Variants in TEX2 observed in about 807,000 individuals in gnomAD.
TEX2 encodes the protein testis expressed 2, also known as testis-expressed protein 2.
Under a neutral mutation model 106.9 loss-of-function variants are expected in TEX2, and 53 were observed. The ratio of observed to expected loss-of-function variants is 0.50; its 90% CI spans 0.40 to 0.62. The LOEUF (loss-of-function observed/expected upper bound fraction) is 0.62, where lower values mean the gene tolerates loss of function less well. TEX2 is among the 20% of genes least tolerant of loss of function. TEX2 has a pLI of 0.00. For synonymous variants in TEX2, 523 were observed against 534.8 expected (o/e 0.98, Z 0.30); for missense variants, 1,207 against 1,379.0 (o/e 0.88, Z 1.98).
chr17:64,188,329 T>G lies in TEX2; in HGVS notation c.2263A>C (p.Ile755Leu). The change falls in exon 5 of 12, where the codon ATC becomes CTC. Residue 755 changes from isoleucine to leucine, a missense_variant. By Grantham distance (5) the Ile-to-Leu change is conservative (BLOSUM62 2). Transcript: ENST00000584379. ...TCCTTCTGCTTTGGCTGTGACATGA[T>G]CTCCTCCACACTGCCTTTGCTGCTG... Reference protein sequence around the residue: ...RSSSKGSVEEIMSQPKQKELA... With the variant: ...RSSSKGSVEELMSQPKQKELA... The G allele has an allele frequency of 6.2e-7, 1 of 1,614,182 alleles. No individual in the cohort carries two copies.
chr17:64,241,844 A>G (rs1461658759), intron 1 of TEX2, among the ~76,000 whole-genome samples: 1 of 151,950 alleles, frequency 6.6e-6, no homozygotes, highest in Non-Finnish European at 1.5e-5. Context: ...TGTTGCCCAA[A>G]CTGGTCTCAA....
chr17:64,191,519 T>C (rs553164942), intron 4 of TEX2, among the ~76,000 whole-genome samples: 15 of 152,226 alleles, frequency 9.9e-5, no homozygotes, highest in Non-Finnish European at 1.0e-4. Context: ...TAGTCACATT[T>C]AAAAATGTAA....
In TEX2 at chr17:64,188,211, C is replaced by A. The variant is rs1162450982; in HGVS notation, c.2381G>T (p.Ser794Ile). 2.5e-6 allele frequency: 4 copies of A among 1,612,456 alleles called. No individual in the cohort carries two copies. Among genetic ancestry groups the A allele is most frequent in the Non-Finnish European group, 3.4e-6 (4 of 1,180,044 alleles). ...VPQESRSPQR[S>I]PLQSAESSPT... is the part of the protein sequence containing the mutation. Reference sequence around the variant, plus strand: ...GCTGCTCTCCGCACTCTGCAGGGGGCTCCTCTGGGGGCTTCGGCTTTCCTG... The same window carrying A: ...GCTGCTCTCCGCACTCTGCAGGGGGATCCTCTGGGGGCTTCGGCTTTCCTG... Residue 794 changes from serine (S) to isoleucine (I), a missense_variant, in exon 5 of 12, where the codon AGC becomes ATC. Physicochemically the swap from Ser to Ile is moderately radical, Grantham distance 142. Coordinates refer to ENST00000584379, the MANE Select transcript of TEX2 (RefSeq NM_001288732.2).
At chr17:64,231,519 G>A (rs903073286) in intron 1 of TEX2, among the ~76,000 whole-genome samples, 1 of 152,216 alleles carries the variant, frequency 6.6e-6, no homozygotes, top group South Asian at 2.1e-4. Flanking sequence ...GGACAGGACC[G>A]TCTCTGGGGT....
intron 1 of TEX2, among the ~76,000 whole-genome samples, chr17:64,220,069 A>G (rs79290759): frequency 0.013 from 1,925 of 152,352 alleles, 37 homozygotes; most frequent in African/African-American, 0.044. Flanking sequence ...AGCAAGGAGC[A>G]TGACCCAAGG....
chr17:64,196,847 G>A (rs1331866874), intron 2 of TEX2, among the ~76,000 whole-genome samples: 3 of 151,944 alleles, frequency 2.0e-5, no homozygotes, highest in African/African-American at 7.3e-5. Context: ...GCTGAAATTG[G>A]GCTGTATCAG....
intron 7 of TEX2, among the ~76,000 whole-genome samples, chr17:64,161,241 T>G (rs2143660739): frequency 6.6e-6 from 1 of 152,254 alleles, no homozygotes; most frequent in East Asian, 1.9e-4. Context: ...CTCCTTGTAT[T>G]TAGTAAGAAG....
rs191890499 is a variant in TEX2 at position 64,148,629 on chromosome 17, T to G, written c.*340A>C. ...GCTTTGGAGGAGTAGAGGAGGCAAG[T>G]TGTTCAGCTTTGCTCTTACTGTGCT... is the stretch of plus-strand genomic sequence containing the variant. On this transcript the variant is annotated 3_prime_UTR_variant, in exon 12 of 12. Transcript: ENST00000584379. The G allele has an allele frequency of 9.1e-6, 2 of 218,764 alleles. No homozygotes were observed. Among genetic ancestry groups the G allele is most frequent in the Admixed American group, 5.5e-5 (1 of 18,058 alleles). The allele number at this position is 218,764 out of a possible 1,614,324, so 13.6% of individuals were successfully genotyped here. A position where few individuals can be genotyped will look rare whatever the true frequency, so the allele number is the denominator to read the frequency against.
chr17:64,211,186 C>T (rs1246877654), intron 2 of TEX2, among the ~76,000 whole-genome samples: 3 of 152,170 alleles, frequency 2.0e-5, no homozygotes, highest in African/African-American at 7.2e-5. Context: ...GTCTTGAACT[C>T]CTGACCTCAA....
At position 64,188,381 on chromosome 17, in the gene TEX2, C is replaced by T. The variant is rs747716074; in HGVS notation, c.2211G>A (p.Pro737=). Residue 737 remains proline (P), a synonymous_variant, in exon 5 of 12, where the codon CCG becomes CCA. Coordinates refer to ENST00000584379, the MANE Select transcript of TEX2 (RefSeq NM_001288732.2). ...LLPAHSRHNS[P]SGHLTHSRSS... ...TGCGGCTGTGGGTCAGGTGCCCGGA[C>T]GGACTGTTGTGTCTGCTGTGTGCAG... The T allele has an allele frequency of 8.7e-5, 141 of 1,614,066 alleles. No individual in the cohort carries two copies. The highest frequency in any genetic ancestry group is 1.1e-4 in the Non-Finnish European group (133 of 1,180,048).
At chr17:64,161,914 C>T (rs1046003174) in intron 7 of TEX2, among the ~76,000 whole-genome samples, 1 of 152,086 alleles carries the variant, frequency 6.6e-6, no homozygotes, top group African/African-American at 2.4e-5. Flanking sequence ...CTAAAACCAT[C>T]GTTCACATAC....
chr17:64,215,632 C>T (rs2033164568), intron 1 of TEX2, among the ~76,000 whole-genome samples: 2 of 152,120 alleles, frequency 1.3e-5, no homozygotes, highest in Non-Finnish European at 2.9e-5. Context: ...CAGGGCCTCT[C>T]GATGTCTCAG....
intron 7 of TEX2, among the ~76,000 whole-genome samples, chr17:64,165,935 C>T (rs114718668): frequency 3.9e-5 from 6 of 152,194 alleles, no homozygotes; most frequent in Admixed American, 6.5e-5. Context: ...AAAACCCAGT[C>T]GGGTCCTCTG....
chr17:64,182,909 G>GT (rs200260065), intron 5 of TEX2, among the ~76,000 whole-genome samples: 16,722 of 143,948 alleles, frequency 0.12, 1,017 homozygotes, highest in African/African-American at 0.15. Flanking sequence ...CTTTTGTTGT[G>GT]TTTTTTTTTT....
intron 2 of TEX2, among the ~76,000 whole-genome samples, chr17:64,203,859 G>A (rs1393866763): frequency 6.6e-6 from 1 of 152,164 alleles, no homozygotes; most frequent in African/African-American, 2.4e-5. Context: ...TAGAAGCACT[G>A]GAGTCAGGGC....
At chr17:64,245,099 T>C (rs570674786) in intron 1 of TEX2, among the ~76,000 whole-genome samples, 1 of 152,304 alleles carries the variant, frequency 6.6e-6, no homozygotes, top group African/African-American at 2.4e-5. Flanking sequence ...CTTCCATCAT[T>C]TTTTTTCTAA....
intron 4 of TEX2, 91 bp downstream of exon 4, chr17:64,193,468 C>T: frequency 5.4e-6 from 5 of 924,382 alleles, no homozygotes; most frequent in South Asian, 3.1e-5. Context: ...GGTGGGCTTC[C>T]TTCCTTCCTT....
intron 7 of TEX2, among the ~76,000 whole-genome samples, chr17:64,166,081 T>C (rs1294932707): frequency 6.6e-6 from 1 of 152,176 alleles, no homozygotes; most frequent in Non-Finnish European, 1.5e-5. Flanking sequence ...GACACACCTG[T>C]GGGCACCTGT....
At chr17:64,151,164 C>T (rs939281612) in intron 10 of TEX2, among the ~76,000 whole-genome samples, 3 of 152,056 alleles carry the variant, frequency 2.0e-5, no homozygotes, top group African/African-American at 7.3e-5. Flanking sequence ...AGGGCTGTGG[C>T]GGATTTAGAA....
Sources: gnomAD v4.1 joint callset for allele counts (sites outside exome capture counted in the v4.1 genomes callset) on GRCh38, gnomAD v4.1.1 for gene constraint, MANE v1.5 for transcripts, NCBI Gene and HGNC (gene_info 2026-07-23, HGNC 2026-07-21) for gene names.